The following GPAT4 variants were observed in gnomAD, a reference collection of about 807,000 sequenced individuals.
GPAT4 encodes the protein 1-AGP acyltransferase 6.
In GPAT4, 17 loss-of-function variants were observed where a neutral mutation model predicts 58.0. The observed-to-expected ratio is 0.29, with a 90% CI of 0.20 to 0.44. The LOEUF is 0.44. Ranked by LOEUF, GPAT4 falls within the 20% of genes least tolerant of loss-of-function variation. The probability of loss-of-function intolerance (pLI) is 1.00; values close to 1 mark genes in which losing one functional copy is unlikely to be tolerated. For synonymous variants in GPAT4, 204 were observed against 210.1 expected (o/e 0.97, Z 0.25); for missense variants, 377 against 574.5 (o/e 0.66, Z 3.51).
rs541504488 is a variant in GPAT4, at chr8:41,595,542, G to A, written c.-848-2750G>A. 7.2e-5 allele frequency among the ~76,000 whole-genome samples: 11 copies of A among 152,068 alleles called. No homozygotes were observed. In the South Asian group the frequency reaches 1.0e-3, roughly 14 times the overall value. ...GGTTGTTAGTGGCCTCAGTGCTTTC[G>A]GGCTAAGCCCTTGTTTACACTTACA... On this transcript the variant is annotated intron_variant, in intron 1 of 12. Coordinates refer to ENST00000396987, the MANE Select transcript of GPAT4 (RefSeq NM_178819.4).
At chr8:41,609,538 C>T (rs1204935444) in intron 3 of GPAT4, 53 bp downstream of exon 3, 3 of 1,606,712 alleles carry the variant, frequency 1.9e-6, no homozygotes, top group Non-Finnish European at 2.6e-6. Context: ...ACAGTGTTCC[C>T]CAGTGCTTCT....
rs1243131632 is a variant in GPAT4 at position 41,623,622 on chromosome 8, T to G, written c.*2621T>G. On this transcript the variant is annotated 3_prime_UTR_variant, in exon 13 of 13. Coordinates refer to ENST00000396987, the MANE Select transcript of GPAT4 (RefSeq NM_178819.4). ...AACTTTGGCTTTGATCTCTGAAGTCTTCTGGGTTTGGAAATACGGGAAGTC... is the reference window on the plus strand; with the variant it reads ...AACTTTGGCTTTGATCTCTGAAGTCGTCTGGGTTTGGAAATACGGGAAGTC... 2 of 152,276 alleles carry G rather than the reference T, an allele frequency of 1.3e-5. No homozygotes were observed. The highest frequency in any genetic ancestry group is 2.9e-5 in the Non-Finnish European group (2 of 68,072). The allele number at this position is 152,276 out of a possible 1,614,324, so 9.4% of individuals were successfully genotyped here.
rs546517131 is a variant in GPAT4 at position 41,610,100 on chromosome 8, A to G, written c.536+145A>G. ...CCAGGCCACGTGACTCTTTGGAGGG[A>G]TACACTGGTGATTCTCCTTTAGAGG... On this transcript the variant is annotated intron_variant, in intron 4 of 12. Transcript: ENST00000396987. 6 of 1,459,518 alleles carry G rather than the reference A, an allele frequency of 4.1e-6. No individual in the cohort carries two copies. The Admixed American group carries it at 1.4e-4, about 33-fold the overall frequency. The allele number at this position is 1,459,518 out of a possible 1,614,324, so 90.4% of individuals were successfully genotyped here. A position where few individuals can be genotyped will look rare whatever the true frequency, so the allele number is the denominator to read the frequency against.
intron 1 of GPAT4, among the ~76,000 whole-genome samples, chr8:41,594,630 C>G (rs905387571): frequency 6.6e-5 from 10 of 150,778 alleles, no homozygotes; most frequent in African/African-American, 2.4e-4. Flanking sequence ...ACTGCAAGCT[C>G]CGCCTCCCGG....
intron 12 of GPAT4, among the ~76,000 whole-genome samples, chr8:41,619,580 C>G (rs1374474241): frequency 6.6e-6 from 1 of 152,112 alleles, no homozygotes; most frequent in South Asian, 2.1e-4. Flanking sequence ...GGATGTGGCC[C>G]GTGGGCTGCA....
rs28530695 is a variant in GPAT4, at chr8:41,610,457, A to G, written c.537-279A>G. 2,035 of 1,305,902 alleles carry G rather than the reference A, an allele frequency of 1.6e-3. 39 individuals are homozygous for G. The African/African-American group carries it at 0.028, about 18-fold the overall frequency. The allele number at this position is 1,305,902 out of a possible 1,614,324, so 80.9% of individuals were successfully genotyped here. On this transcript the variant is annotated intron_variant, in intron 4 of 12. Transcript: ENST00000396987. Reference sequence around the variant, plus strand: ...GGGCAGCAGGGAGCAGCCCTGTGGCAGAATGGCCAGCTTAGGGTTTTCCAG... The same window carrying G: ...GGGCAGCAGGGAGCAGCCCTGTGGCGGAATGGCCAGCTTAGGGTTTTCCAG...
At chr8:41,612,413 G>A in intron 7 of GPAT4, 140 bp downstream of exon 7, 2 of 812,342 alleles carry the variant, frequency 2.5e-6, no homozygotes, top group Non-Finnish European at 3.9e-6. Flanking sequence ...TGGGGGCTCT[G>A]TGGGACTGTG....
intron 2 of GPAT4, among the ~76,000 whole-genome samples, chr8:41,605,799 T>C (rs1236689792): frequency 6.6e-6 from 1 of 152,218 alleles, no homozygotes; most frequent in Non-Finnish European, 1.5e-5. Context: ...CTCAAACTCC[T>C]GACCTCAAGT....
chr8:41,618,563 G>C (rs781677331), intron 10 of GPAT4, 121 bp from the exon 11 acceptor site: 44 of 1,286,268 alleles, frequency 3.4e-5, no homozygotes, highest in Non-Finnish European at 4.7e-5. Context: ...CTCATGCAAG[G>C]TCAGGGAGCA....
Position 41,622,869 on chromosome 8 carries a change from T to A in GPAT4, c.*1868T>A, listed in dbSNP as rs1803794837. 1 of 152,266 alleles carries A rather than the reference T, an allele frequency of 6.6e-6. No homozygotes were observed. Among genetic ancestry groups the A allele is most frequent in the Non-Finnish European group, 1.5e-5 (1 of 68,038 alleles). The allele number at this position is 152,266 out of a possible 1,614,324, so 9.4% of individuals were successfully genotyped here. ...AACTGTTTTACAAAATGCTTAAGAA[T>A]AAAAAGTGATTTTCAGCTTTTATAG... On this transcript the variant is annotated 3_prime_UTR_variant, in exon 13 of 13. Coordinates refer to ENST00000396987, the MANE Select transcript of GPAT4 (RefSeq NM_178819.4).
chr8:41,580,340 G>A (rs1271449445), intron 1 of GPAT4, among the ~76,000 whole-genome samples: 5 of 152,160 alleles, frequency 3.3e-5, no homozygotes, highest in African/African-American at 7.2e-5. Context: ...TGACTTAAGA[G>A]TGTTACTCTT....
chr8:41,602,917 T>A (rs1465562252), intron 2 of GPAT4, among the ~76,000 whole-genome samples: 1 of 152,124 alleles, frequency 6.6e-6, no homozygotes, highest in African/African-American at 2.4e-5. Flanking sequence ...GGGAGCCCTC[T>A]GAAGTCCCTT....
chr8:41,589,534 ATCT>A (rs1301838236), intron 1 of GPAT4, among the ~76,000 whole-genome samples: 3 of 151,622 alleles, frequency 2.0e-5, no homozygotes, highest in Admixed American at 6.6e-5. Context: ...GGTTTTTCAA[ATCT>A]TCTTTGTTTT....
intron 10 of GPAT4, among the ~76,000 whole-genome samples, chr8:41,617,397 T>TA (rs1208589523): frequency 1.3e-5 from 2 of 152,040 alleles, no homozygotes; most frequent in African/African-American, 2.4e-5. Flanking sequence ...AAATTAAAAT[T>TA]AAAAAAATAC....
intron 10 of GPAT4, 69 bp from the exon 11 acceptor site, chr8:41,618,615 A>G: frequency 1.3e-6 from 2 of 1,580,866 alleles, no homozygotes; most frequent in South Asian, 1.1e-5. Context: ...CACTCACAGC[A>G]GTCACTGTGG....
chr8:41,621,230 G>T lies in GPAT4; in HGVS notation c.*229G>T. 1.7e-6 allele frequency: 1 copy of T among 577,874 alleles called. No homozygotes were observed. The highest frequency in any genetic ancestry group is 3.0e-6 in the Non-Finnish European group (1 of 328,116). The allele number at this position is 577,874 out of a possible 1,614,324, so 35.8% of individuals were successfully genotyped here. ...GCTGCTGGGTGTTGCGACCCAGGACGAGATGCCTTGTTTCTTTTACAATAA... is the reference window on the plus strand; with the variant it reads ...GCTGCTGGGTGTTGCGACCCAGGACTAGATGCCTTGTTTCTTTTACAATAA... On this transcript the variant is annotated 3_prime_UTR_variant, in exon 13 of 13. Transcript: ENST00000396987.
At chr8:41,611,191 C>T (rs1484346641) in intron 5 of GPAT4, among the ~76,000 whole-genome samples, 1 of 152,254 alleles carries the variant, frequency 6.6e-6, no homozygotes, top group African/African-American at 2.4e-5. Context: ...CACCACTGCA[C>T]TCCAGCCTAG....
chr8:41,615,441 C>T (rs1317950346), intron 10 of GPAT4, among the ~76,000 whole-genome samples: 1 of 120,606 alleles, frequency 8.3e-6, no homozygotes. Context: ...TTTGGGGGAG[C>T]CATGAGGATT....
At position 41,612,001 on chromosome 8, in the gene GPAT4, G is replaced by A. The variant is rs141864464; in HGVS notation, c.701+9G>A. ...ATCACCTACCATGACAGGTGAGAGC[G>A]CTTTGTATTGATAGGAAGGGAGATG... On this transcript the variant is annotated intron_variant, in intron 6 of 12. Coordinates refer to ENST00000396987, the MANE Select transcript of GPAT4 (RefSeq NM_178819.4). The A allele has an allele frequency of 5.9e-5, 95 of 1,613,858 alleles. No individual in the cohort carries two copies. In the East Asian group the frequency reaches 1.7e-3, roughly 29 times the overall value.
Sources: allele counts gnomAD v4.1 joint callset (sites outside exome capture counted in the v4.1 genomes callset), GRCh38; gene constraint gnomAD v4.1.1; transcripts MANE v1.5; gene names NCBI Gene and HGNC (gene_info 2026-07-23, HGNC 2026-07-21).